The following CSMD1 variants were observed in gnomAD, a reference collection of about 807,000 sequenced individuals.
CSMD1 encodes CUB and Sushi multiple domains 1.
A neutral mutation model predicts 417.5 loss-of-function variants in CSMD1; 213 were observed. That is an observed-to-expected ratio of 0.51 (90% CI 0.46 to 0.57). CSMD1 has a LOEUF of 0.57. CSMD1 is among the 20% of genes least tolerant of loss of function. CSMD1 has a pLI of 0.00. For synonymous variants in CSMD1, 2,862 were observed against 1,736.8 expected, an observed-to-expected ratio of 1.65 and a Z score of -16.11; for missense variants, 6,923 against 4,529.7, an observed-to-expected ratio of 1.53 and a Z score of -15.17.
chr8:3,020,024 C>T (rs1303416408), intron 51 of CSMD1, among the ~76,000 whole-genome samples: 3 of 152,208 alleles, frequency 2.0e-5, no homozygotes, highest in Admixed American at 2.0e-4. Flanking sequence ...CTTCCTTATT[C>T]ACAGTAAACC....
chr8:4,005,944 T>C (rs1417019217), intron 4 of CSMD1, among the ~76,000 whole-genome samples: 1 of 152,162 alleles, frequency 6.6e-6, no homozygotes, highest in Non-Finnish European at 1.5e-5. Flanking sequence ...TTATGTTAAT[T>C]AATTTATTCA....
At chr8:4,777,821 T>A (rs1427809655) in intron 1 of CSMD1, among the ~76,000 whole-genome samples, 1 of 152,212 alleles carries the variant, frequency 6.6e-6, no homozygotes, top group Non-Finnish European at 1.5e-5. Context: ...TGTTTCAGAC[T>A]TCACATCTAC....
At chr8:4,064,615 C>T (rs192056842) in intron 3 of CSMD1, among the ~76,000 whole-genome samples, 4 of 152,282 alleles carry the variant, frequency 2.6e-5, no homozygotes, top group African/African-American at 9.6e-5. Flanking sequence ...GGCAAGGCTC[C>T]CAACACCTGT....
chr8:3,300,184 A>G (rs990311755), intron 25 of CSMD1, among the ~76,000 whole-genome samples: 6 of 152,250 alleles, frequency 3.9e-5, no homozygotes, highest in African/African-American at 1.4e-4. Context: ...GGCCATGTTT[A>G]TTAACTCAAA....
At chr8:3,650,131 T>A (rs1464295631) in intron 7 of CSMD1, among the ~76,000 whole-genome samples, 1 of 151,938 alleles carries the variant, frequency 6.6e-6, no homozygotes, top group South Asian at 2.1e-4. Flanking sequence ...ATACAAAACT[T>A]AGCCAGGCAT....
At chr8:3,502,920 A>T (rs1418049055) in intron 10 of CSMD1, among the ~76,000 whole-genome samples, 2 of 152,158 alleles carry the variant, frequency 1.3e-5, no homozygotes, top group African/African-American at 2.4e-5. Context: ...ATGTTCATCA[A>T]ATGTAACAAA....
intron 50 of CSMD1, among the ~76,000 whole-genome samples, chr8:3,050,747 G>C (rs1033615135): frequency 1.3e-5 from 2 of 152,050 alleles, no homozygotes; most frequent in African/African-American, 4.8e-5. Flanking sequence ...AAGCTTTTGG[G>C]AAGAACTCAA....
chr8:4,638,838 G>C (rs185447338), intron 1 of CSMD1, among the ~76,000 whole-genome samples: 2 of 152,338 alleles, frequency 1.3e-5, no homozygotes, highest in East Asian at 1.9e-4. Context: ...CCACTGAGCA[G>C]TGTCTGAGGA....
At chr8:4,129,161 A>G (rs1802944129) in intron 3 of CSMD1, among the ~76,000 whole-genome samples, 1 of 151,780 alleles carries the variant, frequency 6.6e-6, no homozygotes, top group African/African-American at 2.4e-5. Flanking sequence ...TCACCAACAC[A>G]TCCCCAACCT....
intron 28 of CSMD1, among the ~76,000 whole-genome samples, chr8:3,222,180 T>C (rs1798258534): frequency 1.3e-5 from 2 of 152,298 alleles, no homozygotes; most frequent in South Asian, 2.1e-4. Context: ...AGAGATTATC[T>C]GTTTCAAACT....
intron 21 of CSMD1, among the ~76,000 whole-genome samples, chr8:3,352,557 T>G (rs1430564589): frequency 1.3e-5 from 2 of 152,158 alleles, no homozygotes; most frequent in Non-Finnish European, 2.9e-5. Context: ...ATTACATCAT[T>G]GGCTGGGCGC....
chr8:3,409,728 G>A (rs1015357564), intron 12 of CSMD1, 123 bp from the exon 13 acceptor site: 2 of 688,806 alleles, frequency 2.9e-6, no homozygotes, highest in African/African-American at 1.8e-5. Context: ...TTTGTAAAGT[G>A]TTTCTAAAGG....
intron 6 of CSMD1, among the ~76,000 whole-genome samples, chr8:3,742,582 C>G (rs1398491233): frequency 6.6e-6 from 1 of 152,078 alleles, no homozygotes; most frequent in Non-Finnish European, 1.5e-5. Flanking sequence ...TGCCTCTGCC[C>G]CGGGCCAGTA....
intron 2 of CSMD1, among the ~76,000 whole-genome samples, chr8:4,635,966 T>A (rs1384937854): frequency 6.6e-6 from 1 of 151,986 alleles, no homozygotes; most frequent in African/African-American, 2.4e-5. Context: ...ACTAGGTGTT[T>A]GAAAGTGGGT....
chr8:4,600,598 A>C (rs1038165469), intron 2 of CSMD1, among the ~76,000 whole-genome samples: 7 of 152,200 alleles, frequency 4.6e-5, no homozygotes, highest in South Asian at 2.1e-4. Context: ...ATTTATTCAA[A>C]TTCAACATCA....
At position 4,156,379 on chromosome 8, in the gene CSMD1, C is replaced by T. The variant is rs564565554; in HGVS notation, c.416-124280G>A. Among the ~76,000 whole-genome samples, 4 of 152,208 alleles carry T rather than the reference C, an allele frequency of 2.6e-5. No individual in the cohort carries two copies. The East Asian group carries it at 5.8e-4, about 22-fold the overall frequency. On this transcript the variant is annotated intron_variant, in intron 3 of 69. Coordinates refer to ENST00000635120, the MANE Select transcript of CSMD1 (RefSeq NM_033225.6). ...GATAAAACTTAAATGAATGCAGAAG[C>T]CAATGGCAAGTCCATAAAATTTCTC...
intron 1 of CSMD1, among the ~76,000 whole-genome samples, chr8:4,829,445 G>C (rs776623964): frequency 2.0e-5 from 3 of 152,108 alleles, no homozygotes; most frequent in African/African-American, 7.2e-5. Context: ...CTCAGCAGTA[G>C]AAATTAACAT....
chr8:4,234,707 G>A (rs766022837), intron 3 of CSMD1, among the ~76,000 whole-genome samples: 1 of 152,048 alleles, frequency 6.6e-6, no homozygotes, highest in African/African-American at 2.4e-5. Context: ...TGTGGTGTAC[G>A]GCCACACGGT....
At chr8:3,128,018 A>T (rs1817602106) in intron 41 of CSMD1, 2 of 152,038 alleles carry the variant, frequency 1.3e-5, no homozygotes, top group Non-Finnish European at 2.9e-5. Context: ...TCCAAATTGC[A>T]AAACCTAAAA....
Sources: gnomAD v4.1 joint callset for allele counts (sites outside exome capture counted in the v4.1 genomes callset) on GRCh38, gnomAD v4.1.1 for gene constraint, MANE v1.5 for transcripts, NCBI Gene and HGNC (gene_info 2026-07-23, HGNC 2026-07-21) for gene names.